Variants in USB1 observed in about 807,000 individuals in gnomAD.
USB1 encodes U6 snRNA phosphodiesterase 1.
Under a neutral mutation model 29.9 loss-of-function variants are expected in USB1, and 21 were observed. That is an observed-to-expected ratio of 0.70 (90% confidence interval 0.50 to 1.01). USB1 has a LOEUF of 1.01. USB1 is among the 50% of genes least tolerant of loss of function. The pLI, the probability that USB1 is intolerant of heterozygous loss-of-function variation, is 0.00. For missense variants in USB1, 330 were observed against 347.1 expected, an observed-to-expected ratio of 0.95 and a Z score of 0.39; for synonymous variants, 143 against 134.9, an observed-to-expected ratio of 1.06 and a Z score of -0.42.
chr16:58,001,773 C>G (rs1963205419), intron 1 of USB1, among the ~76,000 whole-genome samples, 192 bp downstream of exon 1: 1 of 149,898 alleles, frequency 6.7e-6, no homozygotes, highest in South Asian at 2.1e-4. Flanking sequence ...CCAGAGTGGC[C>G]CCACCTGGCT....
chr16:58,001,370 G>C (rs2142288066), upstream of USB1: 5 of 1,264,444 alleles, frequency 4.0e-6, no homozygotes, highest in South Asian at 1.3e-5. Context: ...GCTCCGCCCC[G>C]AGGCGGTGCC....
At chr16:58,004,001 C>T (rs1370752028) in intron 2 of USB1, among the ~76,000 whole-genome samples, 1 of 152,104 alleles carries the variant, frequency 6.6e-6, no homozygotes, top group Non-Finnish European at 1.5e-5. Flanking sequence ...CCTTTGGTGT[C>T]ATATCTAAAA....
intron 3 of USB1, 59 bp downstream of exon 3, chr16:58,010,171 C>T (rs1222539100): frequency 1.9e-6 from 3 of 1,604,334 alleles, no homozygotes; most frequent in African/African-American, 1.3e-5. Flanking sequence ...CTCCTCCTCT[C>T]CTGAGCTACT....
intron 3 of USB1, chr16:58,012,992 C>T: frequency 1.0e-6 from 1 of 985,792 alleles, no homozygotes; most frequent in Non-Finnish European, 1.2e-6. Flanking sequence ...CACCTGGACC[C>T]CTGGGCTGGT....
rs374491200 is a variant in USB1, at chr16:58,017,282, G to T, written c.504-52G>T. 1.3e-4 allele frequency: 196 copies of T among 1,548,432 alleles called. No homozygotes were observed. In the African/African-American group the frequency reaches 2.3e-3, roughly 18 times the overall value. ...TGGCTCCTGCTCGGCTGCGCAGATG[G>T]CTGTGTTCTCAGAGGCTACATCTCA... On this transcript the variant is annotated intron_variant, in intron 4 of 6. Transcript: ENST00000219281.
Position 58,002,598 on chromosome 16 carries a change from C to A in USB1, c.218C>A (p.Thr73Asn). 1 of 1,613,996 alleles carries A rather than the reference C, an allele frequency of 6.2e-7. No homozygotes were observed. The highest frequency in any genetic ancestry group is 8.5e-7 in the Non-Finnish European group (1 of 1,180,026). ...DSTKHGGRVRTFPHERGNWAT... is the reference protein window; with the variant it reads ...DSTKHGGRVRNFPHERGNWAT... Reference sequence around the variant, plus strand: ...ACAAAACACGGGGGACGGGTGCGCACCTTCCCCCACGAGCGAGGCAACTGG... The same window carrying A: ...ACAAAACACGGGGGACGGGTGCGCAACTTCCCCCACGAGCGAGGCAACTGG... The change falls in exon 2 of 7, where the codon ACC becomes AAC. Residue 73 changes from threonine to asparagine, a missense_variant. By Grantham distance (65) the Thr-to-Asn change is moderately conservative (BLOSUM62 0). Transcript: ENST00000219281.
Position 58,013,886 on chromosome 16 carries a change from A to T in USB1, c.450-387A>T. On this transcript the variant is annotated intron_variant, in intron 3 of 6. Transcript: ENST00000219281. This position sits in a 1 kb window ranked among gnomAD's most constrained non-coding sequence, Gnocchi z 4.3. ...ATGTTGTCGTGATTGCTTAGATGAA[A>T]TCGGAGTCATCTATTTTAAAAAACT... The T allele has an allele frequency of 4.2e-6, 1 of 239,098 alleles. No individual in the cohort carries two copies. The highest frequency in any genetic ancestry group is 8.3e-6 in the Non-Finnish European group (1 of 120,794). The allele number at this position is 239,098 out of a possible 1,614,324, so 14.8% of individuals were successfully genotyped here.
Position 58,001,517 on chromosome 16 carries a change from A to G in USB1, c.34A>G (p.Ser12Gly). 2 of 1,608,010 alleles carry G rather than the reference A, an allele frequency of 1.2e-6. No individual in the cohort carries two copies. The highest frequency in any genetic ancestry group is 1.7e-6 in the Non-Finnish European group (2 of 1,177,774). ...SAAPLVGYSS[S>G]GSEDESEDGM... ...GGCGCCCCTGGTGGGCTACAGCAGC[A>G]GCGGCTCCGAGGATGAGTCCGAGGA... The change falls in exon 1 of 7, where the codon AGC (serine) becomes GGC (glycine). Residue 12 changes from serine (S) to glycine (G), a missense_variant. Coordinates refer to ENST00000219281, the MANE Select transcript of USB1 (RefSeq NM_024598.4).
In USB1 at chr16:58,013,349, C is replaced by T. The variant is rs1963541149; in HGVS notation, c.450-924C>T. On this transcript the variant is annotated intron_variant, in intron 3 of 6. Coordinates refer to ENST00000219281, the MANE Select transcript of USB1 (RefSeq NM_024598.4). The surrounding 1 kb of genome is among the most constrained non-coding windows in gnomAD (Gnocchi z 4.3). Reference sequence around the variant, plus strand: ...GTGGTTCTGTGATCCCTTACATTTTCTCCAGAGGCAGAGAGTTGGCTGACT... The same window carrying T: ...GTGGTTCTGTGATCCCTTACATTTTTTCCAGAGGCAGAGAGTTGGCTGACT... 5.1e-6 allele frequency: 5 copies of T among 985,366 alleles called. No homozygotes were observed. Among genetic ancestry groups the T allele is most frequent in the Non-Finnish European group, 6.0e-6 (5 of 829,982 alleles). The allele number at this position is 985,366 out of a possible 1,614,324, so 61.0% of individuals were successfully genotyped here.
Position 58,017,701 on chromosome 16 carries a change from C to G in USB1, c.609+262C>G, listed in dbSNP as rs1223728757. ...CGCCCGAGATTTGTACCTTCTGCTC[C>G]ATAATGTTCCCGTGTTGTTTTCACA... On this transcript the variant is annotated intron_variant, in intron 5 of 6. Transcript: ENST00000219281. Among the ~76,000 whole-genome samples the G allele has an allele frequency of 4.6e-5, 7 of 152,266 alleles. No homozygotes were observed. The East Asian group carries it at 1.4e-3, about 29-fold the overall frequency.
At chr16:58,001,827 G>A (rs796175720) in intron 1 of USB1, among the ~76,000 whole-genome samples, 5 of 146,186 alleles carry the variant, frequency 3.4e-5, no homozygotes, top group African/African-American at 1.3e-4. Flanking sequence ...GTCCAGCCTC[G>A]CGCTGGCCCA....
At chr16:58,010,480 C>G (rs1333314502) in intron 3 of USB1, among the ~76,000 whole-genome samples, 4 of 152,212 alleles carry the variant, frequency 2.6e-5, no homozygotes, top group Middle Eastern at 3.4e-3. Flanking sequence ...CACTAATAAC[C>G]CAGGGTTAGT....
chr16:58,017,217 G>T, intron 4 of USB1, 117 bp from the exon 5 acceptor site: 1 of 849,938 alleles, frequency 1.2e-6, no homozygotes, highest in Non-Finnish European at 2.1e-6. Context: ...GTACCAGGGA[G>T]ACGGTGAGAC....
chr16:58,009,837 A>G, intron 2 of USB1, 92 bp from the exon 3 acceptor site: 7 of 1,487,890 alleles, frequency 4.7e-6, no homozygotes, highest in Non-Finnish European at 6.6e-6. Flanking sequence ...ACCCAGAGTA[A>G]TAAGGACTTC....
chr16:58,002,095 T>C (rs1423554785), intron 1 of USB1, among the ~76,000 whole-genome samples: 2 of 152,236 alleles, frequency 1.3e-5, no homozygotes, highest in African/African-American at 4.8e-5. Context: ...AGTAGCTCAG[T>C]TGATCCCACA....
chr16:58,018,113 A>G (rs796656284), intron 5 of USB1, among the ~76,000 whole-genome samples: 5 of 152,318 alleles, frequency 3.3e-5, no homozygotes, highest in African/African-American at 1.2e-4. Context: ...GTCTTAGCTC[A>G]GGCTGTCATA....
In USB1 at chr16:58,012,493, C is replaced by T. The variant is rs1426121373; in HGVS notation, c.450-1780C>T. 19 of 1,176,882 alleles carry T rather than the reference C, an allele frequency of 1.6e-5. No individual in the cohort carries two copies. In the South Asian group the frequency reaches 2.6e-4, roughly 16 times the overall value. 72.9% of individuals were successfully genotyped at this position (1,176,882 alleles called of 1,614,324 possible). A position where few individuals can be genotyped will look rare whatever the true frequency, so the allele number is the denominator to read the frequency against. ...TCACCACCACAGGCAGACTGTTCAC[C>T]ATCTCAGCTCTGTCCCCTTCCTTTG... On this transcript the variant is annotated intron_variant, in intron 3 of 6. Transcript: ENST00000219281.
rs1162702664 is a variant in USB1 at position 58,002,337 on chromosome 16, A to C, written c.99-142A>C. ...ACAATACTGGAGAAACAATTTCGCT[A>C]TCTAGAAGCTGCTTCCAGCACCAGG... On this transcript the variant is annotated intron_variant, in intron 1 of 6. Coordinates refer to ENST00000219281, the MANE Select transcript of USB1 (RefSeq NM_024598.4). 4 of 1,328,024 alleles carry C rather than the reference A, an allele frequency of 3.0e-6. No homozygotes were observed. In the Admixed American group the frequency reaches 5.2e-5, roughly 17 times the overall value. The allele number at this position is 1,328,024 out of a possible 1,614,324, so 82.3% of individuals were successfully genotyped here. A position where few individuals can be genotyped will look rare whatever the true frequency, so the allele number is the denominator to read the frequency against.
In USB1 at chr16:58,003,926, C is replaced by T. The variant is rs148838145; in HGVS notation, c.265+1281C>T. ...TTTTCATTCTCTTGACGTTGTCCTT[C>T]ACAGAGCAGAAGTTTTTAAGTTTAA... On this transcript the variant is annotated intron_variant, in intron 2 of 6. Coordinates refer to ENST00000219281, the MANE Select transcript of USB1 (RefSeq NM_024598.4). Among the ~76,000 whole-genome samples, 324 of 152,046 alleles carry T rather than the reference C, an allele frequency of 2.1e-3. 5 individuals carry two copies. The East Asian group carries it at 0.024, about 11-fold the overall frequency.
Sources: gnomAD v4.1 joint callset for allele counts (sites outside exome capture counted in the v4.1 genomes callset) on GRCh38, gnomAD v4.1.1 for gene constraint, Gnocchi (gnomAD v3.1) non-coding constraint, MANE v1.5 for transcripts, NCBI Gene and HGNC (gene_info 2026-07-23, HGNC 2026-07-21) for gene names.